The following CACHD1 variants were observed in gnomAD, a reference collection of about 807,000 sequenced individuals.
CACHD1 encodes VWFA and cache domain-containing protein 1.
CACHD1 carries 71 observed loss-of-function variants against 138.7 expected under a neutral mutation model. That is an observed-to-expected ratio of 0.51 (90% confidence interval 0.42 to 0.62). The LOEUF is 0.62. Among genes scored for constraint, CACHD1 ranks in the 20% least tolerant of loss-of-function variants. The pLI is 0.00. For missense variants in CACHD1, 1,389 were observed against 1,625.3 expected (o/e 0.85, Z 2.50); for synonymous variants, 578 against 591.5 (o/e 0.98, Z 0.33).
chr1:64,666,593 C>T lies in CACHD1; in HGVS notation c.2387+426C>T, dbSNP rs1346004232. ...AAGGAGGATTGTTAATGAAGAAAAA[C>T]GGGGTGGGTTCATTGGCTCACACTT... On this transcript the variant is annotated intron_variant, in intron 16 of 26. Transcript: ENST00000651257. 3.9e-5 allele frequency among the ~76,000 whole-genome samples: 6 copies of T among 151,958 alleles called. No individual in the cohort carries two copies. The South Asian group carries it at 6.2e-4, about 16-fold the overall frequency.
chr1:64,550,710 G>A, intron 2 of CACHD1, 54 bp downstream of exon 2: 2 of 1,242,164 alleles, frequency 1.6e-6, no homozygotes, highest in East Asian at 2.3e-5. Context: ...TTTTAGATGT[G>A]GCTTCGTCAC....
intron 3 of CACHD1, among the ~76,000 whole-genome samples, chr1:64,597,749 T>G (rs1423852114): frequency 6.6e-6 from 1 of 152,082 alleles, no homozygotes; most frequent in Non-Finnish European, 1.5e-5. Context: ...CCTCTTAAGT[T>G]GAATTGCCCA....
intron 23 of CACHD1, 146 bp from the exon 24 acceptor site, chr1:64,679,449 G>A: frequency 1.2e-6 from 1 of 865,844 alleles, no homozygotes; most frequent in South Asian, 1.6e-5. Context: ...CATGCGTCAT[G>A]TTTGAGGAAC....
intron 1 of CACHD1, among the ~76,000 whole-genome samples, chr1:64,547,215 G>A (rs1372754192): frequency 1.3e-5 from 2 of 152,212 alleles, no homozygotes; most frequent in African/African-American, 4.8e-5. Flanking sequence ...AAATTGTAAA[G>A]TATAAAAGTA....
intron 1 of CACHD1, among the ~76,000 whole-genome samples, chr1:64,481,795 C>T (rs75853908): frequency 0.064 from 9,792 of 152,046 alleles, 811 homozygotes; most frequent in African/African-American, 0.2. Context: ...AATCTTAATT[C>T]AAAAAACAAA....
intron 14 of CACHD1, 46 bp downstream of exon 14, chr1:64,663,883 GCCCAGC>G (rs1649536073): frequency 6.2e-7 from 1 of 1,610,740 alleles, no homozygotes; most frequent in African/African-American, 1.3e-5. Flanking sequence ...CCCTCCACAG[GCCCAGC>G]AGGGGGTGCT....
At chr1:64,632,828 G>C in intron 6 of CACHD1, 85 bp downstream of exon 6, 1 of 1,448,862 alleles carries the variant, frequency 6.9e-7, no homozygotes, top group Non-Finnish European at 9.5e-7. Flanking sequence ...GTGATATACA[G>C]ATCCTCCTTG....
chr1:64,692,546 C>T lies in CACHD1; in HGVS notation c.*985C>T, dbSNP rs1331780298. ...TTTATTTTCCTTGTTTTAGAGACTA[C>T]AAATTTTTAAATATCCCATTTTGAC... On this transcript the variant is annotated 3_prime_UTR_variant, in exon 27 of 27. Transcript: ENST00000651257. The T allele has an allele frequency of 6.6e-6, 1 of 152,126 alleles. No individual in the cohort carries two copies. Among genetic ancestry groups the T allele is most frequent in the Non-Finnish European group, 1.5e-5 (1 of 68,026 alleles). 9.4% of individuals were successfully genotyped at this position (152,126 alleles called of 1,614,324 possible).
intron 8 of CACHD1, among the ~76,000 whole-genome samples, chr1:64,642,402 T>C (rs1342768133): frequency 6.6e-6 from 1 of 152,216 alleles, no homozygotes; most frequent in Non-Finnish European, 1.5e-5. Flanking sequence ...CTGAAGCCTC[T>C]TCTGCCACTT....
At chr1:64,483,699 A>T (rs1386258949) in intron 1 of CACHD1, among the ~76,000 whole-genome samples, 2 of 151,498 alleles carry the variant, frequency 1.3e-5, no homozygotes, top group Admixed American at 1.3e-4. Flanking sequence ...AAAAAAAAAA[A>T]AAAAGTGCCA....
chr1:64,562,404 A>G (rs1553133373), intron 2 of CACHD1, among the ~76,000 whole-genome samples: 1 of 115,588 alleles, frequency 8.7e-6, no homozygotes, highest in Non-Finnish European at 1.7e-5. Flanking sequence ...ATGCTGCAGA[A>G]TTTCCTTTTT....
intron 1 of CACHD1, among the ~76,000 whole-genome samples, chr1:64,475,939 G>A (rs1462310974): frequency 6.6e-6 from 1 of 152,212 alleles, no homozygotes; most frequent in African/African-American, 2.4e-5. Context: ...GAGACATAGA[G>A]GCATTACACT....
chr1:64,471,058 C>A, intron 1 of CACHD1, 116 bp downstream of exon 1: 1 of 1,040,170 alleles, frequency 9.6e-7, no homozygotes, highest in Non-Finnish European at 1.4e-6. Flanking sequence ...ATACATAGAG[C>A]CCGGCTTCCC....
intron 9 of CACHD1, 35 bp from the exon 10 acceptor site, chr1:64,652,126 C>T: frequency 6.4e-7 from 1 of 1,564,522 alleles, no homozygotes; most frequent in Non-Finnish European, 8.7e-7. Flanking sequence ...TCCTTCTCTG[C>T]TGGTCTTTAG....
rs1317782475 is a variant in CACHD1 at position 64,528,502 on chromosome 1, A to G, written c.199-22092A>G. Reference sequence around the variant, plus strand: ...ATTTGATCAGCATGGGCCATCCTAAATAACAAAATTAATATAAATAAAATC... The same window carrying G: ...ATTTGATCAGCATGGGCCATCCTAAGTAACAAAATTAATATAAATAAAATC... On this transcript the variant is annotated intron_variant, in intron 1 of 26. Coordinates refer to ENST00000651257, the MANE Select transcript of CACHD1 (RefSeq NM_020925.4). 2.0e-5 allele frequency among the ~76,000 whole-genome samples: 3 copies of G among 152,322 alleles called. No individual in the cohort carries two copies. In the East Asian group the frequency reaches 5.8e-4, roughly 29 times the overall value.
intron 4 of CACHD1, among the ~76,000 whole-genome samples, chr1:64,619,155 A>G (rs1329866453): frequency 1.3e-5 from 2 of 152,158 alleles, no homozygotes; most frequent in Non-Finnish European, 2.9e-5. Context: ...TTAGATGTAG[A>G]TGGTGAAATT....
At chr1:64,498,155 C>G (rs1216170681) in intron 1 of CACHD1, among the ~76,000 whole-genome samples, 3 of 151,974 alleles carry the variant, frequency 2.0e-5, no homozygotes, top group African/African-American at 7.3e-5. Context: ...TGTGGCATAT[C>G]CTCATGGAGC....
rs1318736894 is a variant in CACHD1 at position 64,654,770 on chromosome 1, G to C, written c.1749G>C (p.Lys583Asn). The change falls in exon 12 of 27, where the codon AAG (lysine) becomes AAC (asparagine). Residue 583 changes from lysine to asparagine, a missense_variant. By Grantham distance (94) the Lys-to-Asn change is moderately conservative. Coordinates refer to ENST00000651257, the MANE Select transcript of CACHD1 (RefSeq NM_020925.4). ...TAAACAAGCTGAGAGAAACTGGAAA[G>C]GAAGCCTACAATGTTAGCTATGCCT... ...WHINKLRETG[K>N]EAYNVSYAWK... is the part of the protein sequence containing the mutation. 6 of 1,613,606 alleles carry C rather than the reference G, an allele frequency of 3.7e-6. No homozygotes were observed. Among genetic ancestry groups the C allele is most frequent in the Non-Finnish European group, 5.1e-6 (6 of 1,179,618 alleles).
At chr1:64,586,122 G>A (rs1222080013) in intron 3 of CACHD1, among the ~76,000 whole-genome samples, 1 of 152,146 alleles carries the variant, frequency 6.6e-6, no homozygotes, top group African/African-American at 2.4e-5. Flanking sequence ...GGAGTGTGAT[G>A]GCACCGTCTC....
Sources: gnomAD v4.1 joint callset for allele counts (sites outside exome capture counted in the v4.1 genomes callset) on GRCh38, gnomAD v4.1.1 for gene constraint, MANE v1.5 for transcripts, NCBI Gene and HGNC (gene_info 2026-07-23, HGNC 2026-07-21) for gene names.